Variants in RBM41 observed in about 807,000 individuals in gnomAD.
RBM41 encodes the protein RNA binding motif protein 41.
RBM41 carries 14 observed loss-of-function variants against 30.8 expected under a neutral mutation model. The ratio of observed to expected loss-of-function variants is 0.45; its 90% CI spans 0.30 to 0.71. RBM41 has a LOEUF of 0.71. Ranked by LOEUF, RBM41 falls within the 30% of genes least tolerant of loss-of-function variation. The pLI is 0.08. For synonymous variants in RBM41, 120 were observed against 110.1 expected, an observed-to-expected ratio of 1.09 and a Z score of -0.56; for missense variants, 276 against 326.3, an observed-to-expected ratio of 0.85 and a Z score of 1.19.
rs190229792 is a variant in RBM41, at chrX:107,067,595, A to G, written c.1246T>C (p.Ser416Pro). ...ATGAGAGAAGTCGCTTGGAGATTTG[A>G]CCGTTGCTTTTTGTTCTTTCCAAAC... ...IEFGKNKKQRSNLQATSLISC... is the reference protein window; with the variant it reads ...IEFGKNKKQRPNLQATSLISC... The change falls in exon 8 of 8, where the codon TCA becomes CCA. Residue 416 changes from serine (S) to proline (P), a missense_variant. By Grantham distance (74) the Ser-to-Pro change is moderately conservative (BLOSUM62 -1). Transcript: ENST00000685964. 7.4e-5 allele frequency: 90 copies of G among 1,209,149 alleles called. No homozygotes were observed. In the East Asian group the frequency reaches 2.5e-3, roughly 34 times the overall value.
rs1162220634 is a variant in RBM41 at position 107,065,372 on chromosome X, T to A, written c.*2155A>T. 8.5e-6 allele frequency: 1 copy of A among 117,170 alleles called. No individual in the cohort carries two copies. The highest frequency in any genetic ancestry group is 1.8e-5 in the Non-Finnish European group (1 of 56,790). 9.7% of individuals were successfully genotyped at this position (117,170 alleles called of 1,213,427 possible). A position where few individuals can be genotyped will look rare whatever the true frequency, so the allele number is the denominator to read the frequency against. ...TGATATTTACATTTAATAATATTTT[T>A]GATTTTTTAAAAGTTATTTCCTCAG... On this transcript the variant is annotated 3_prime_UTR_variant, in exon 8 of 8. Transcript: ENST00000685964.
chrX:107,056,461 G>T, the RBM41 span, among the ~76,000 whole-genome samples: 2 of 111,738 alleles, frequency 1.8e-5, no homozygotes, highest in Admixed American at 1.9e-4. Context: ...GAGAAAGATT[G>T]GTGTTAATTC....
At chrX:107,089,978 ATG>A (rs1204970842) in intron 5 of RBM41, among the ~76,000 whole-genome samples, 1 of 112,343 alleles carries the variant, frequency 8.9e-6, no homozygotes, top group East Asian at 2.8e-4. Context: ...ATCATCAACT[ATG>A]TGGTTTCCCT....
At chrX:107,094,557 A>T (rs1481347822) in intron 5 of RBM41, among the ~76,000 whole-genome samples, 1 of 112,280 alleles carries the variant, frequency 8.9e-6, no homozygotes, top group Non-Finnish European at 1.9e-5. Flanking sequence ...TAGGCTGAAT[A>T]ATGGCCCCCC....
At chrX:107,116,389 G>T in intron 2 of RBM41, 1 of 610,698 alleles carries the variant, frequency 1.6e-6, no homozygotes, top group Non-Finnish European at 2.2e-6. Flanking sequence ...AACAGGCAAT[G>T]ATAATATTGG....
intron 5 of RBM41, among the ~76,000 whole-genome samples, chrX:107,100,709 A>G (rs1923382067): frequency 9.0e-6 from 1 of 110,953 alleles, no homozygotes; most frequent in Non-Finnish European, 1.9e-5. Flanking sequence ...TTAAAGTTGA[A>G]GACAATGTGA....
intron 6 of RBM41, among the ~76,000 whole-genome samples, chrX:107,085,885 A>C (rs1017506124): frequency 8.9e-6 from 1 of 112,336 alleles, no homozygotes; most frequent in African/African-American, 3.2e-5. Context: ...ACTTTTGCTC[A>C]ACAAAAGACA....
chrX:107,113,523 A>C (rs1431031370), intron 4 of RBM41, 55 bp from the exon 5 acceptor site: 2 of 978,516 alleles, frequency 2.0e-6, no homozygotes, highest in East Asian at 1.5e-4. Context: ...CAGATTCATA[A>C]ACCACCCACC....
chrX:107,082,378 T>C lies in RBM41; in HGVS notation c.999+6058A>G, dbSNP rs192472141. 3.9e-3 allele frequency among the ~76,000 whole-genome samples: 434 copies of C among 112,026 alleles called. 1 individual carries two copies. Among genetic ancestry groups the C allele is most frequent in the African/African-American group, 0.013 (407 of 30,963 alleles). ...ATAAATCATACTTGATCATAGTATA[T>C]AATTATTTTTATACATTATTGAATT... On this transcript the variant is annotated intron_variant, in intron 6 of 7. Transcript: ENST00000685964.
In RBM41 at chrX:107,062,003, T is replaced by A. The variant is rs1305692866; in HGVS notation, c.*5524A>T. On this transcript the variant is annotated 3_prime_UTR_variant, in exon 8 of 8. Transcript: ENST00000685964. ...AATGCATATACTTATGTAACTACAATAAAGACACGGAAAATTTCAATTATT... is the reference window on the plus strand; with the variant it reads ...AATGCATATACTTATGTAACTACAAAAAAGACACGGAAAATTTCAATTATT... Among the ~76,000 whole-genome samples, 1 of 112,252 alleles carries A rather than the reference T, an allele frequency of 8.9e-6. No homozygotes were observed. The highest frequency in any genetic ancestry group is 1.9e-5 in the Non-Finnish European group (1 of 53,286).
In RBM41 at chrX:107,062,460, G is replaced by A. The variant is rs2147851737; in HGVS notation, c.*5067C>T. Among the ~76,000 whole-genome samples, 1 of 111,014 alleles carries A rather than the reference G, an allele frequency of 9.0e-6. No homozygotes were observed. The highest frequency in any genetic ancestry group is 3.3e-5 in the African/African-American group (1 of 30,579). On this transcript the variant is annotated 3_prime_UTR_variant, in exon 8 of 8. Transcript: ENST00000685964. ...TAACATGTATCAGAGGCTATATCAG[G>A]ATAATTTATTCCTTGTCACTTAACT... is the stretch of plus-strand genomic sequence containing the variant.
chrX:107,092,020 A>T (rs987251658), intron 5 of RBM41, among the ~76,000 whole-genome samples: 7 of 112,052 alleles, frequency 6.2e-5, no homozygotes, highest in African/African-American at 2.3e-4. Flanking sequence ...GTATATGTTT[A>T]AAATAGATTC....
In RBM41 at chrX:107,065,604, A is replaced by C; in HGVS notation, c.*1923T>G. ...TAATATAATTTTACATCTTTAAAAG[A>C]AGCTGAGAGAAGAGTAAGTATATGT... On this transcript the variant is annotated 3_prime_UTR_variant, in exon 8 of 8. Coordinates refer to ENST00000685964, the MANE Select transcript of RBM41 (RefSeq NM_001324242.2). The C allele has an allele frequency of 2.3e-6, 1 of 437,603 alleles. No individual in the cohort carries two copies. The highest frequency in any genetic ancestry group is 7.3e-5 in the South Asian group (1 of 13,639). 36.1% of individuals were successfully genotyped at this position (437,603 alleles called of 1,213,427 possible).
At chrX:107,084,593 G>A (rs961696690) in intron 6 of RBM41, among the ~76,000 whole-genome samples, 7 of 110,972 alleles carry the variant, frequency 6.3e-5, no homozygotes, top group African/African-American at 2.3e-4. Context: ...AAGACTGTGG[G>A]CCCCCAGTTT....
In RBM41 at chrX:107,115,273, A is replaced by C. The variant is rs759223044; in HGVS notation, c.523+79T>G. The C allele has an allele frequency of 1.1e-3, 1,193 of 1,041,121 alleles. 2 individuals are homozygous for C. The highest frequency in any genetic ancestry group is 1.5e-3 in the Non-Finnish European group (1,103 of 750,584). 85.8% of individuals were successfully genotyped at this position (1,041,121 alleles called of 1,213,427 possible). ...TTGTCTTTCCCCTATTCCCTTCACTAACTCTTCATATTTAATGCCCTGCTG... is the reference window on the plus strand; with the variant it reads ...TTGTCTTTCCCCTATTCCCTTCACTCACTCTTCATATTTAATGCCCTGCTG... On this transcript the variant is annotated intron_variant, in intron 4 of 7. Coordinates refer to ENST00000685964, the MANE Select transcript of RBM41 (RefSeq NM_001324242.2).
chrX:107,055,305 G>A, the RBM41 span, among the ~76,000 whole-genome samples: 5 of 111,823 alleles, frequency 4.5e-5, no homozygotes, highest in Middle Eastern at 4.6e-3. Context: ...TACAACAAAC[G>A]CTAGAGTACA....
At chrX:107,076,474 T>A (rs1475487961) in intron 6 of RBM41, among the ~76,000 whole-genome samples, 2 of 110,779 alleles carry the variant, frequency 1.8e-5, no homozygotes, top group African/African-American at 6.6e-5. Context: ...AATAAGCCAG[T>A]TGCAGGACAA....
chrX:107,068,151 A>G, intron 7 of RBM41, among the ~76,000 whole-genome samples: 1 of 111,162 alleles, frequency 9.0e-6, no homozygotes, highest in African/African-American at 3.3e-5. Context: ...ATTGGGATAA[A>G]TAAGTATAAG....
intron 5 of RBM41, among the ~76,000 whole-genome samples, chrX:107,106,866 T>G: frequency 1.1e-5 from 1 of 93,557 alleles, no homozygotes; most frequent in Non-Finnish European, 2.0e-5. Context: ...CCGGGGCCTG[T>G]TGTGGGGTGG....
Sources: allele counts gnomAD v4.1 joint callset (sites outside exome capture counted in the v4.1 genomes callset), GRCh38; gene constraint gnomAD v4.1.1; transcripts MANE v1.5; gene names NCBI Gene and HGNC (gene_info 2026-07-23, HGNC 2026-07-21).